Variants in TMEM116 observed in about 807,000 individuals in gnomAD.
TMEM116 encodes transmembrane protein 116.
Under a neutral mutation model 44.3 loss-of-function variants are expected in TMEM116, and 38 were observed. The ratio of observed to expected loss-of-function variants is 0.86; its 90% confidence interval spans 0.66 to 1.12. The LOEUF is 1.12. Ranked by LOEUF, TMEM116 falls within the 50% of genes most tolerant of loss-of-function variation. The pLI, the probability that TMEM116 is intolerant of heterozygous loss-of-function variation, is 0.00. For synonymous variants in TMEM116, 132 were observed against 144.8 expected, an observed-to-expected ratio of 0.91 and a Z score of 0.64; for missense variants, 354 against 401.7, an observed-to-expected ratio of 0.88 and a Z score of 1.01.
intron 4 of TMEM116, among the ~76,000 whole-genome samples, chr12:111,960,397 C>T (rs901417324): frequency 7.0e-6 from 1 of 143,772 alleles, no homozygotes; most frequent in African/African-American, 2.6e-5. Flanking sequence ...AAGGCTGAGG[C>T]AGGAGAATGA....
intron 4 of TMEM116, among the ~76,000 whole-genome samples, chr12:111,979,132 T>C (rs2075818703): frequency 6.6e-6 from 1 of 152,030 alleles, no homozygotes; most frequent in African/African-American, 2.4e-5. Flanking sequence ...AAAGAAAAAA[T>C]GGATGAGTGG....
chr12:111,960,491 CAAAAAAAAA>C (rs545322547), intron 4 of TMEM116, among the ~76,000 whole-genome samples: 606 of 28,578 alleles, frequency 0.021, 9 homozygotes, highest in South Asian at 0.12. Context: ...GACTCCGTCT[CAAAAAAAAA>C]AAAAAAAAAA....
rs141043717 is a variant in TMEM116, at chr12:111,933,655, A to AT, written c.733+230dup. Among the ~76,000 whole-genome samples, 782 of 141,822 alleles carry AT rather than the reference A, an allele frequency of 5.5e-3. 3 individuals are homozygous for AT. The highest frequency in any genetic ancestry group is 5.8e-3 in the Non-Finnish European group (375 of 64,534). 93.0% of individuals were successfully genotyped at this position (141,822 alleles called of 152,430 possible). Reference sequence around the variant, plus strand: ...AGGCGCCTACCACCACGCCCGGCTAATTTTTTTTTTTTTTGTATTTTTAGT... The same window carrying AT: ...AGGCGCCTACCACCACGCCCGGCTAATTTTTTTTTTTTTTTGTATTTTTAGT... On this transcript the variant is annotated intron_variant, in intron 9 of 10. Transcript: ENST00000552374.
chr12:111,986,534 G>T (rs143865163), intron 4 of TMEM116, among the ~76,000 whole-genome samples: 1 of 152,084 alleles, frequency 6.6e-6, no homozygotes, highest in Non-Finnish European at 1.5e-5. Context: ...ATGGGGCCAG[G>T]CATGGTGGCT....
intron 4 of TMEM116, among the ~76,000 whole-genome samples, chr12:111,987,964 T>C (rs1018912439): frequency 3.3e-5 from 5 of 152,178 alleles, no homozygotes; most frequent in Admixed American, 1.3e-4. Flanking sequence ...ATGTGGTCTA[T>C]CCATACAATA....
chr12:112,002,050 T>G (rs2077287916), intron 3 of TMEM116, among the ~76,000 whole-genome samples: 1 of 152,124 alleles, frequency 6.6e-6, no homozygotes, highest in African/African-American at 2.4e-5. Context: ...CATCTCAAAG[T>G]TTTTTAAGGA....
At chr12:111,992,394 C>T (rs2076666938) in intron 3 of TMEM116, among the ~76,000 whole-genome samples, 1 of 151,906 alleles carries the variant, frequency 6.6e-6, no homozygotes, top group Non-Finnish European at 1.5e-5. Context: ...CTCAGCCTCT[C>T]AAGTAGCTGG....
chr12:111,942,229 C>T (rs1183725537), intron 5 of TMEM116, among the ~76,000 whole-genome samples: 2 of 152,050 alleles, frequency 1.3e-5, no homozygotes, highest in African/African-American at 2.4e-5. Flanking sequence ...TGAGCCACCA[C>T]GCCCGGCTAA....
At chr12:111,988,900 G>A (rs1454759944) in intron 4 of TMEM116, among the ~76,000 whole-genome samples, 1 of 151,954 alleles carries the variant, frequency 6.6e-6, no homozygotes, top group Admixed American at 6.6e-5. Context: ...GCTGAGGCAG[G>A]AGAATCACTT....
intron 1 of TMEM116, chr12:112,005,546 G>T: frequency 2.1e-6 from 1 of 465,376 alleles, no homozygotes; most frequent in Non-Finnish European, 3.1e-6. Flanking sequence ...ATAGAGATGT[G>T]GATTGAAAAA....
At chr12:112,008,404 C>T (rs908090485) in intron 1 of TMEM116, among the ~76,000 whole-genome samples, 4 of 151,382 alleles carry the variant, frequency 2.6e-5, no homozygotes, top group African/African-American at 4.9e-5. Flanking sequence ...TGCTTGAACC[C>T]GGGAGGCGGA....
At chr12:111,967,209 T>C (rs963238830) in intron 4 of TMEM116, among the ~76,000 whole-genome samples, 13 of 152,174 alleles carry the variant, frequency 8.5e-5, no homozygotes, top group African/African-American at 3.1e-4. Flanking sequence ...TTGATAAATA[T>C]AAAAACAACT....
At chr12:111,940,566 T>C (rs1321382049) in intron 5 of TMEM116, among the ~76,000 whole-genome samples, 1 of 136,506 alleles carries the variant, frequency 7.3e-6, no homozygotes, top group Non-Finnish European at 1.5e-5. Flanking sequence ...TATATATGTG[T>C]GTATATATAT....
At chr12:111,952,833 T>C (rs2073831156) in intron 4 of TMEM116, among the ~76,000 whole-genome samples, 1 of 152,216 alleles carries the variant, frequency 6.6e-6, no homozygotes, top group Non-Finnish European at 1.5e-5. Context: ...TTTGTGATCA[T>C]GTGAGTTAAT....
chr12:111,967,315 A>G (rs2075038013), intron 4 of TMEM116, among the ~76,000 whole-genome samples: 1 of 152,172 alleles, frequency 6.6e-6, no homozygotes, highest in Non-Finnish European at 1.5e-5. Flanking sequence ...TTGCTCTCCT[A>G]AAGTTGAATA....
In TMEM116 at chr12:111,980,763, G is replaced by A. The variant is rs150069195; in HGVS notation, c.210+10995C>T. Reference sequence around the variant, plus strand: ...TAAAGTCTATTTTTAAAACTAGCACGATATTTACATAGAGATAAAAAATAT... The same window carrying A: ...TAAAGTCTATTTTTAAAACTAGCACAATATTTACATAGAGATAAAAAATAT... On this transcript the variant is annotated intron_variant, in intron 4 of 10. Coordinates refer to ENST00000552374, the MANE Select transcript of TMEM116 (RefSeq NM_001193531.2). Among the ~76,000 whole-genome samples the A allele has an allele frequency of 6.3e-3, 958 of 152,158 alleles. 2 individuals are homozygous for A. Among genetic ancestry groups the A allele is most frequent in the African/African-American group, 0.018 (755 of 41,504 alleles).
At chr12:112,000,008 T>C (rs924870838) in intron 3 of TMEM116, among the ~76,000 whole-genome samples, 4 of 152,238 alleles carry the variant, frequency 2.6e-5, no homozygotes, top group African/African-American at 9.6e-5. Context: ...GGTAGACTTT[T>C]GTAGATTTTT....
At chr12:111,950,316 C>A (rs535343872) in intron 4 of TMEM116, among the ~76,000 whole-genome samples, 2 of 152,080 alleles carry the variant, frequency 1.3e-5, no homozygotes, top group South Asian at 4.2e-4. Flanking sequence ...CATCTTTCCC[C>A]AGAAACAATG....
At position 111,931,744 on chromosome 12, in the gene TMEM116, C is replaced by T. The variant is rs117800485; in HGVS notation, c.891G>A (p.Glu297=). Residue 297 remains glutamate, a synonymous_variant, in exon 11 of 11, where the codon GAG becomes GAA. Transcript: ENST00000552374. ...TQHKFHQLKQ[E]ARRDADTQTP... ...TCTGGGTATCTGCATCACGCCGAGCCTCCTGCTTTAGTTGGTGGAATTTGT... is the reference window on the plus strand; with the variant it reads ...TCTGGGTATCTGCATCACGCCGAGCTTCCTGCTTTAGTTGGTGGAATTTGT... 307 of 1,610,702 alleles carry T rather than the reference C, an allele frequency of 1.9e-4. No homozygotes were observed. The East Asian group carries it at 6.4e-3, about 34-fold the overall frequency.
Sources: allele counts gnomAD v4.1 joint callset (sites outside exome capture counted in the v4.1 genomes callset), GRCh38; gene constraint gnomAD v4.1.1; transcripts MANE v1.5; gene names NCBI Gene and HGNC (gene_info 2026-07-23, HGNC 2026-07-21).